MYLK: variants seen among roughly 807,000 people sequenced by gnomAD.
MYLK encodes myosin light chain kinase.
A neutral mutation model predicts 203.4 loss-of-function variants in MYLK; 106 were observed. That is an observed-to-expected ratio of 0.52 (90% CI 0.45 to 0.61). The LOEUF is 0.61. MYLK is among the 20% of genes least tolerant of loss of function. The pLI, the probability that MYLK is intolerant of heterozygous loss-of-function variation, is 0.00. For synonymous variants in MYLK, 867 were observed against 959.5 expected, an observed-to-expected ratio of 0.90 and a Z score of 1.78; for missense variants, 2,072 against 2,442.3, an observed-to-expected ratio of 0.85 and a Z score of 3.20.
At chr3:123,812,056 T>C (rs1331594214) in intron 3 of MYLK, among the ~76,000 whole-genome samples, 1 of 152,172 alleles carries the variant, frequency 6.6e-6, no homozygotes, top group African/African-American at 2.4e-5. Context: ...CATTACCCAA[T>C]ATGGAACTGT....
At chr3:123,633,868 A>C (rs767874145) in intron 29 of MYLK, among the ~76,000 whole-genome samples, 23 of 151,890 alleles carry the variant, frequency 1.5e-4, no homozygotes, top group Admixed American at 2.6e-4. Context: ...GGTTTTAAGA[A>C]ATGGGGGTCT....
At chr3:123,805,142 G>A (rs907886131) in intron 3 of MYLK, among the ~76,000 whole-genome samples, 3 of 152,164 alleles carry the variant, frequency 2.0e-5, no homozygotes, top group African/African-American at 7.2e-5. Context: ...ATTACTGAAA[G>A]GCCTGGGGAT....
At chr3:123,773,517 CT>C (rs2063955391) in intron 4 of MYLK, among the ~76,000 whole-genome samples, 1 of 152,158 alleles carries the variant, frequency 6.6e-6, no homozygotes, top group Admixed American at 6.5e-5. Flanking sequence ...CTAAATGTCC[CT>C]TTGAAATGAA....
chr3:123,653,183 T>A lies in MYLK; in HGVS notation c.4288+3943A>T, dbSNP rs114123245. Reference sequence around the variant, plus strand: ...GCCTTTTTAATATGATCCCACCCCATCTGCTCCACAGAAATGACCTACAAT... The same window carrying A: ...GCCTTTTTAATATGATCCCACCCCAACTGCTCCACAGAAATGACCTACAAT... On this transcript the variant is annotated intron_variant, in intron 24 of 33. Transcript: ENST00000360304. Among the ~76,000 whole-genome samples, 813 of 152,162 alleles carry A rather than the reference T, an allele frequency of 5.3e-3. 11 individuals carry two copies. Among genetic ancestry groups the A allele is most frequent in the African/African-American group, 0.018 (730 of 41,486 alleles).
intron 2 of MYLK, among the ~76,000 whole-genome samples, chr3:123,849,255 T>C (rs11920513): frequency 0.45 from 68,576 of 152,100 alleles, 18,514 homozygotes; most frequent in Non-Finnish European, 0.63. Context: ...ATTATAGCTA[T>C]GATCCACCAT....
At chr3:123,730,266 T>C (rs992464466) in intron 11 of MYLK, among the ~76,000 whole-genome samples, 1 of 152,036 alleles carries the variant, frequency 6.6e-6, no homozygotes, top group Non-Finnish European at 1.5e-5. Flanking sequence ...AGCAAGAAAA[T>C]AACAAGTATT....
chr3:123,881,964 C>T (rs1044826114), intron 1 of MYLK, among the ~76,000 whole-genome samples: 6 of 152,210 alleles, frequency 3.9e-5, no homozygotes, highest in African/African-American at 1.4e-4. Flanking sequence ...TCTGCAGTGA[C>T]TGTAGCTGTC....
At chr3:123,633,879 C>T (rs920928097) in intron 29 of MYLK, among the ~76,000 whole-genome samples, 1 of 151,688 alleles carries the variant, frequency 6.6e-6, no homozygotes, top group Non-Finnish European at 1.5e-5. Flanking sequence ...ATGGGGGTCT[C>T]GCTATATCAG....
intron 3 of MYLK, among the ~76,000 whole-genome samples, chr3:123,827,118 T>C (rs992231567): frequency 1.3e-5 from 2 of 152,118 alleles, no homozygotes; most frequent in African/African-American, 4.8e-5. Context: ...ATAATAATCT[T>C]AAGGAAAATC....
At chr3:123,883,601 A>G (rs912498580) in intron 1 of MYLK, among the ~76,000 whole-genome samples, 2 of 152,208 alleles carry the variant, frequency 1.3e-5, no homozygotes, top group African/African-American at 4.8e-5. Context: ...ACATCTCCTG[A>G]GAAGTTTATC....
At chr3:123,681,020 A>G (rs1006935322) in intron 20 of MYLK, 1 of 150,834 alleles carries the variant, frequency 6.6e-6, no homozygotes, top group Non-Finnish European at 1.5e-5. Context: ...ACCAAAAAAA[A>G]GTAAATAGAT....
chr3:123,856,020 T>C (rs1456366899), intron 2 of MYLK, among the ~76,000 whole-genome samples: 1 of 152,188 alleles, frequency 6.6e-6, no homozygotes, highest in Non-Finnish European at 1.5e-5. Flanking sequence ...CTGCAATTTG[T>C]TTATATCTCA....
chr3:123,783,563 T>G (rs1392196034), intron 4 of MYLK, among the ~76,000 whole-genome samples: 1 of 152,192 alleles, frequency 6.6e-6, no homozygotes, highest in Non-Finnish European at 1.5e-5. Context: ...CTCAGACAGC[T>G]GTACTGAGTC....
intron 2 of MYLK, among the ~76,000 whole-genome samples, chr3:123,848,661 CTTTT>C (rs1320796817): frequency 6.6e-6 from 1 of 152,160 alleles, no homozygotes; most frequent in Non-Finnish European, 1.5e-5. Context: ...TGGCACATGC[CTTTT>C]TCAAAACCTG....
At chr3:123,878,710 G>A (rs1364720487) in intron 1 of MYLK, among the ~76,000 whole-genome samples, 2 of 151,832 alleles carry the variant, frequency 1.3e-5, no homozygotes, top group Non-Finnish European at 2.9e-5. Context: ...TTTTTTAGAC[G>A]AAGTCTTGCT....
At chr3:123,665,244 G>A (rs927718508) in intron 22 of MYLK, among the ~76,000 whole-genome samples, 4 of 152,226 alleles carry the variant, frequency 2.6e-5, no homozygotes, top group African/African-American at 7.2e-5. Flanking sequence ...GCTGGTGGCT[G>A]CCATATTGGA....
intron 2 of MYLK, among the ~76,000 whole-genome samples, chr3:123,833,727 A>G (rs1467929571): frequency 6.6e-6 from 1 of 152,224 alleles, no homozygotes; most frequent in East Asian, 1.9e-4. Context: ...ACTATATAAA[A>G]GCTGATAATA....
intron 16 of MYLK, among the ~76,000 whole-genome samples, chr3:123,704,807 C>A (rs2061394779): frequency 6.6e-6 from 1 of 150,894 alleles, no homozygotes; most frequent in Non-Finnish European, 1.5e-5. Flanking sequence ...GTAGTCCCAG[C>A]TACTCAGGAG....
intron 3 of MYLK, among the ~76,000 whole-genome samples, chr3:123,797,858 C>A (rs1308025655): frequency 6.6e-6 from 1 of 152,224 alleles, no homozygotes; most frequent in Non-Finnish European, 1.5e-5. Context: ...TCATTATCAT[C>A]CAGTTCCCAA....
Sources: gnomAD v4.1 joint callset for allele counts (sites outside exome capture counted in the v4.1 genomes callset) on GRCh38, gnomAD v4.1.1 for gene constraint, MANE v1.5 for transcripts, NCBI Gene and HGNC (gene_info 2026-07-23, HGNC 2026-07-21) for gene names.